The following CUX1 variants were observed in gnomAD, a reference collection of about 807,000 sequenced individuals.
The protein encoded by CUX1 is protein CASP.
A neutral mutation model predicts 158.8 loss-of-function variants in CUX1; 31 were observed. The observed-to-expected ratio is 0.20, with a 90% CI of 0.15 to 0.26. The LOEUF (loss-of-function observed/expected upper bound fraction) is 0.26, where lower values mean the gene tolerates loss of function less well. CUX1 is among the 10% of genes least tolerant of loss of function. CUX1 has a pLI of 1.00. For missense variants in CUX1, 1,589 were observed against 2,014.6 expected (o/e 0.79, Z 4.04); for synonymous variants, 879 against 862.1 (o/e 1.02, Z -0.34).
chr7:102,041,666 ATTTTTT>A (rs1246831975), intron 3 of CUX1, among the ~76,000 whole-genome samples: 4 of 104,922 alleles, frequency 3.8e-5, no homozygotes, highest in East Asian at 2.7e-4. Context: ...CTCCCTTTTG[ATTTTTT>A]TTTTTTTTTT....
Position 101,935,234 on chromosome 7 carries a change from C to A in CUX1, c.141+19009C>A, listed in dbSNP as rs563950240. ...AGCTCCCCTACTGAGCACCTTGTGA[C>A]CCCCACTCTGCCCGCCAGAGAACAA... On this transcript the variant is annotated intron_variant, in intron 2 of 23. Transcript: ENST00000292535. 1.9e-4 allele frequency among the ~76,000 whole-genome samples: 29 copies of A among 152,260 alleles called. 1 individual carries two copies. The highest frequency in any genetic ancestry group is 1.9e-3 in the Admixed American group (29 of 15,304).
chr7:102,192,215 A>C (rs1554517202), intron 12 of CUX1, among the ~76,000 whole-genome samples: 1 of 152,182 alleles, frequency 6.6e-6, no homozygotes, highest in Non-Finnish European at 1.5e-5. Context: ...ACTGCAGCAC[A>C]AGACACCCTG....
At chr7:102,229,458 T>C (rs1798721791) in intron 21 of CUX1, among the ~76,000 whole-genome samples, 1 of 148,440 alleles carries the variant, frequency 6.7e-6, no homozygotes, top group African/African-American at 2.5e-5. Context: ...ATTACAGGCA[T>C]CCGCCACCGT....
intron 1 of CUX1, among the ~76,000 whole-genome samples, chr7:101,857,163 G>C (rs544980768): frequency 6.6e-6 from 1 of 152,206 alleles, no homozygotes; most frequent in Non-Finnish European, 1.5e-5. Flanking sequence ...TTAGCGTCAC[G>C]TGGGTCCTGA....
intron 2 of CUX1, among the ~76,000 whole-genome samples, chr7:102,011,155 G>A (rs893009879): frequency 6.6e-6 from 1 of 151,960 alleles, no homozygotes; most frequent in Non-Finnish European, 1.5e-5. Flanking sequence ...TGTTATTGAC[G>A]GTCTCTTTGT....
chr7:102,016,620 A>C (rs1488104185), intron 2 of CUX1, among the ~76,000 whole-genome samples: 1 of 152,232 alleles, frequency 6.6e-6, no homozygotes, highest in Non-Finnish European at 1.5e-5. Context: ...CCTTACAAAG[A>C]ATTATACTGA....
At chr7:102,116,130 C>T (rs190576157) in intron 8 of CUX1, among the ~76,000 whole-genome samples, 18 of 152,292 alleles carry the variant, frequency 1.2e-4, no homozygotes, top group Admixed American at 2.0e-4. Flanking sequence ...TTCTGAATGG[C>T]GCCGCTGTCC....
At chr7:102,174,516 G>T (rs918178441) in intron 10 of CUX1, among the ~76,000 whole-genome samples, 1 of 152,274 alleles carries the variant, frequency 6.6e-6, no homozygotes, top group South Asian at 2.1e-4. Context: ...CTGACAGGCC[G>T]CTGCTTCTCA....
chr7:102,113,597 G>A (rs933884005), intron 7 of CUX1, among the ~76,000 whole-genome samples: 43 of 151,732 alleles, frequency 2.8e-4, no homozygotes, highest in African/African-American at 9.2e-4. Context: ...TCTCTCTGTC[G>A]CTCAGGTTGG....
chr7:102,125,013 C>T (rs1303145816), intron 8 of CUX1, among the ~76,000 whole-genome samples: 1 of 152,136 alleles, frequency 6.6e-6, no homozygotes, highest in Non-Finnish European at 1.5e-5. Context: ...ATCTCCTGAC[C>T]TCAGGTGATC....
At chr7:102,168,380 G>A (rs1215657281) in intron 9 of CUX1, among the ~76,000 whole-genome samples, 1 of 152,086 alleles carries the variant, frequency 6.6e-6, no homozygotes, top group Non-Finnish European at 1.5e-5. Flanking sequence ...GGGCGCGGTG[G>A]CTCATGCCTG....
intron 3 of CUX1, among the ~76,000 whole-genome samples, chr7:102,032,932 C>A (rs1222307894): frequency 6.6e-6 from 1 of 151,952 alleles, no homozygotes; most frequent in Non-Finnish European, 1.5e-5. Flanking sequence ...ATGCACATAC[C>A]CTCTAGGAAA....
upstream of CUX1, chr7:101,817,501 C>T (rs1471104765): frequency 8.8e-7 from 1 of 1,133,102 alleles, no homozygotes; most frequent in Non-Finnish European, 1.1e-6. The surrounding 1 kb of genome is among the most constrained non-coding windows in gnomAD (Gnocchi z 4.1). Context: ...GGCCCGCGCC[C>T]GAGTCGCCGC....
Position 102,252,875 on chromosome 7 carries a change from T to C in CUX1, c.*3833T>C. 1.0e-6 allele frequency: 1 copy of C among 985,458 alleles called. No homozygotes were observed. The highest frequency in any genetic ancestry group is 1.2e-6 in the Non-Finnish European group (1 of 829,956). 61.0% of individuals were successfully genotyped at this position (985,458 alleles called of 1,614,324 possible). On this transcript the variant is annotated 3_prime_UTR_variant, in exon 24 of 24. Transcript: ENST00000292535. ...TCAATTGGATTCTTCTAGACGATCT[T>C]AGGAGGCATCTTGGCATGAGGCAGC... is the stretch of plus-strand genomic sequence containing the variant.
rs995665037 is a variant in CUX1 at position 101,817,926 on chromosome 7, A to G, written c.30+257A>G. ...GACCTACCGCAATACCTTTGGGAGC[A>G]AAGCTCGAGATGCAGGCTTGTATCA... On this transcript the variant is annotated intron_variant, in intron 1 of 23. Transcript: ENST00000292535. This position sits in a 1 kb window ranked among gnomAD's most constrained non-coding sequence, Gnocchi z 4.1. Among the ~76,000 whole-genome samples, 1 of 152,230 alleles carries G rather than the reference A, an allele frequency of 6.6e-6. No individual in the cohort carries two copies.
At chr7:102,232,025 T>C (rs1237496473) in intron 21 of CUX1, among the ~76,000 whole-genome samples, 1 of 150,480 alleles carries the variant, frequency 6.6e-6, no homozygotes, top group Non-Finnish European at 1.5e-5. Flanking sequence ...AATTTTCTTA[T>C]AACAACTAAA....
chr7:101,893,422 T>C (rs894613351), intron 1 of CUX1, among the ~76,000 whole-genome samples: 7 of 152,218 alleles, frequency 4.6e-5, no homozygotes, highest in Non-Finnish European at 1.0e-4. Context: ...ATTTGCCTTG[T>C]AGACGGAAAG....
chr7:101,957,429 C>CT (rs1809910996), intron 2 of CUX1, among the ~76,000 whole-genome samples: 1 of 151,978 alleles, frequency 6.6e-6, no homozygotes, highest in South Asian at 2.1e-4. Flanking sequence ...GAGAATGTTA[C>CT]TTTTTTTTAG....
chr7:101,852,495 G>A (rs1327812429), intron 1 of CUX1, among the ~76,000 whole-genome samples: 2 of 151,824 alleles, frequency 1.3e-5, no homozygotes, highest in Non-Finnish European at 2.9e-5. Context: ...GCACACACCT[G>A]TAGTCCCAGC....
Sources: gnomAD v4.1 joint callset for allele counts (sites outside exome capture counted in the v4.1 genomes callset) on GRCh38, gnomAD v4.1.1 for gene constraint, Gnocchi (gnomAD v3.1) non-coding constraint, MANE v1.5 for transcripts, NCBI Gene and HGNC (gene_info 2026-07-23, HGNC 2026-07-21) for gene names.